The following IMPACT variants were observed in gnomAD, a reference collection of about 807,000 sequenced individuals.
IMPACT encodes the protein impact RWD domain protein.
IMPACT carries 35 observed loss-of-function variants against 47.5 expected under a neutral mutation model. The ratio of observed to expected loss-of-function variants is 0.74; its 90% CI spans 0.56 to 0.98. The LOEUF is 0.98. IMPACT is among the 50% of genes least tolerant of loss of function. The pLI is 0.00. For synonymous variants in IMPACT, 118 were observed against 125.6 expected (o/e 0.94, Z 0.40); for missense variants, 373 against 394.8 (o/e 0.94, Z 0.47).
At chr18:24,438,164 T>TC in intron 5 of IMPACT, 124 bp downstream of exon 5, 1 of 557,260 alleles carries the variant, frequency 1.8e-6, no homozygotes, top group Admixed American at 3.7e-5. Context: ...TATTATAAAA[T>TC]ACAAGTTTCT....
At chr18:24,444,203 T>G (rs1191913490) in intron 7 of IMPACT, among the ~76,000 whole-genome samples, 2 of 152,260 alleles carry the variant, frequency 1.3e-5, no homozygotes. Flanking sequence ...TGAGACATTC[T>G]AATTCTGAAT....
Position 24,445,463 on chromosome 18 carries a change from A to G in IMPACT, c.665A>G (p.Tyr222Cys), listed in dbSNP as rs1187583738. 1 of 1,582,630 alleles carries G rather than the reference A, an allele frequency of 6.3e-7. No homozygotes were observed. The highest frequency in any genetic ancestry group is 8.6e-7 in the Non-Finnish European group (1 of 1,160,358). Residue 222 changes from tyrosine (Y) to cysteine (C), a missense_variant, in exon 8 of 11, where the codon TAC (tyrosine) becomes TGC (cysteine). Coordinates refer to ENST00000284202, the MANE Select transcript of IMPACT (RefSeq NM_018439.4). ...IASATHNIYA[Y>C]RIYCEDKQTF... is the part of the protein sequence containing the mutation. Reference sequence around the variant, plus strand: ...AGTGCCACCCACAACATCTATGCCTACAGGTGAGTAATCATCACAAGCTTT... The same window carrying G: ...AGTGCCACCCACAACATCTATGCCTGCAGGTGAGTAATCATCACAAGCTTT...
intron 4 of IMPACT, among the ~76,000 whole-genome samples, chr18:24,436,436 G>A (rs867810210): frequency 1.3e-5 from 2 of 151,732 alleles, no homozygotes; most frequent in African/African-American, 2.4e-5. Flanking sequence ...TTACAGAAAC[G>A]GAGTCTCGCT....
intron 3 of IMPACT, 81 bp downstream of exon 3, chr18:24,429,002 A>G (rs1908682907): frequency 1.1e-6 from 1 of 904,452 alleles, no homozygotes; most frequent in Admixed American, 2.7e-5. Flanking sequence ...GCGTTTACAT[A>G]AAATACCTTT....
rs1908676438 is a variant in IMPACT, at chr18:24,428,792, A to G, written c.166-77A>G. 47 of 1,120,946 alleles carry G rather than the reference A, an allele frequency of 4.2e-5. 1 individual carries two copies. The South Asian group carries it at 6.5e-4, about 16-fold the overall frequency. 69.4% of individuals were successfully genotyped at this position (1,120,946 alleles called of 1,614,324 possible). ...TCTGTCCTCCTTGCCTTTTTTGTCC[A>G]GTTGCTAGCTTTATAAATATGGTTA... On this transcript the variant is annotated intron_variant, in intron 2 of 10. Transcript: ENST00000284202.
At chr18:24,441,977 T>G (rs538353686) in intron 6 of IMPACT, among the ~76,000 whole-genome samples, 6 of 152,290 alleles carry the variant, frequency 3.9e-5, no homozygotes, top group African/African-American at 1.4e-4. Flanking sequence ...TATTACTATG[T>G]TAGTACAGCA....
In IMPACT at chr18:24,453,477, T is replaced by C. The variant is rs1311967884; in HGVS notation, c.*2630T>C. The stretch of plus-strand genomic sequence containing the variant: ...TGTTTTGTAGCCTACATATTTCATA[T>C]AGAAGTATATTGTTAACATTTTCCA... On this transcript the variant is annotated 3_prime_UTR_variant, in exon 11 of 11. Transcript: ENST00000284202. 6.6e-6 allele frequency: 1 copy of C among 152,122 alleles called. No homozygotes were observed. Among genetic ancestry groups the C allele is most frequent in the Non-Finnish European group, 1.5e-5 (1 of 68,006 alleles). The allele number at this position is 152,122 out of a possible 1,614,324, so 9.4% of individuals were successfully genotyped here. A position where few individuals can be genotyped will look rare whatever the true frequency, so the allele number is the denominator to read the frequency against.
intron 8 of IMPACT, among the ~76,000 whole-genome samples, chr18:24,445,845 ACCATTT>A (rs1909236881): frequency 6.6e-6 from 1 of 152,124 alleles, no homozygotes; most frequent in Admixed American, 6.5e-5. Flanking sequence ...ACTACAATTA[ACCATTT>A]CCTTTTAGTT....
In IMPACT at chr18:24,444,844, A is replaced by G. The variant is rs191633861; in HGVS notation, c.595-549A>G. On this transcript the variant is annotated intron_variant, in intron 7 of 10. Transcript: ENST00000284202. ...GTACTTTTATTTGCTAAATTTGGTC[A>G]CCCAGTCCCTGTATTTTGCATATAG... Among the ~76,000 whole-genome samples, 27 of 152,336 alleles carry G rather than the reference A, an allele frequency of 1.8e-4. No homozygotes were observed. In the East Asian group the frequency reaches 4.4e-3, roughly 25 times the overall value.
rs1909374800 is a variant in IMPACT, at chr18:24,451,189, T to C, written c.*342T>C. On this transcript the variant is annotated 3_prime_UTR_variant, in exon 11 of 11. Coordinates refer to ENST00000284202, the MANE Select transcript of IMPACT (RefSeq NM_018439.4). ...TTGTTAGGTGGAGAAGAAATGTCTC[T>C]AGAGGAATATAAATACCTGATTTCT... 6.0e-6 allele frequency: 1 copy of C among 167,262 alleles called. No homozygotes were observed. Among genetic ancestry groups the C allele is most frequent in the African/African-American group, 2.4e-5 (1 of 42,046 alleles). 10.4% of individuals were successfully genotyped at this position (167,262 alleles called of 1,614,324 possible).
chr18:24,449,087 A>G lies in IMPACT; in HGVS notation c.760-732A>G, dbSNP rs1469698212. ...GTCAAACTGATGAAGACGGCCAGGT[A>G]TGGTGGCTCACACCTGTAACCCTAG... On this transcript the variant is annotated intron_variant, in intron 9 of 10. Coordinates refer to ENST00000284202, the MANE Select transcript of IMPACT (RefSeq NM_018439.4). Among the ~76,000 whole-genome samples the G allele has an allele frequency of 6.6e-5, 10 of 152,218 alleles. No individual in the cohort carries two copies. The South Asian group carries it at 1.0e-3, about 16-fold the overall frequency.
At chr18:24,443,347 CT>C (rs1347943603) in intron 7 of IMPACT, among the ~76,000 whole-genome samples, 195 bp downstream of exon 7, 1 of 151,192 alleles carries the variant, frequency 6.6e-6, no homozygotes, top group Non-Finnish European at 1.5e-5. Flanking sequence ...TGCTTTCTTT[CT>C]TTTTTTTTGT....
Position 24,440,627 on chromosome 18 carries a change from T to G in IMPACT, c.490+9T>G. 6.3e-7 allele frequency: 1 copy of G among 1,589,422 alleles called. No individual in the cohort carries two copies. Among genetic ancestry groups the G allele is most frequent in the Admixed American group, 1.8e-5 (1 of 54,752 alleles). ...CAGTGAAACTCGGACAGGTATAATGTTACTAACTAATTTCTTTTGAGGAGA... is the reference window on the plus strand; with the variant it reads ...CAGTGAAACTCGGACAGGTATAATGGTACTAACTAATTTCTTTTGAGGAGA... On this transcript the variant is annotated intron_variant, in intron 6 of 10. Transcript: ENST00000284202.
At chr18:24,429,720 AT>A (rs1908702948) in intron 3 of IMPACT, 1 of 151,734 alleles carries the variant, frequency 6.6e-6, no homozygotes, top group Non-Finnish European at 1.5e-5. Flanking sequence ...GTAAATTTTT[AT>A]TTTTATTTAT....
At chr18:24,427,211 GT>G (rs1387824161) in intron 1 of IMPACT, 1 of 175,122 alleles carries the variant, frequency 5.7e-6, no homozygotes, top group African/African-American at 2.4e-5. Flanking sequence ...ACTCCTTCTG[GT>G]CCTTGGCATC....
chr18:24,432,578 A>G (rs1053448645), intron 4 of IMPACT, among the ~76,000 whole-genome samples: 4 of 152,198 alleles, frequency 2.6e-5, no homozygotes, highest in African/African-American at 7.2e-5. Context: ...TGGCGGAAGT[A>G]TAAGTATTTC....
rs35543338 is a variant in IMPACT, at chr18:24,433,184, C to CTTTTT, written c.281+2822_281+2826dup. 6.4e-3 allele frequency among the ~76,000 whole-genome samples: 522 copies of CTTTTT among 81,120 alleles called. 56 individuals carry two copies. The highest frequency in any genetic ancestry group is 0.024 in the African/African-American group (457 of 19,334). The allele number at this position is 81,120 out of a possible 152,430, so 53.2% of individuals were successfully genotyped here. ...AGAAATACACATCTTACTTTTAAAACTTTTTTTTTTTTTTTTTTTTTTTTT... is the reference window on the plus strand; with the variant it reads ...AGAAATACACATCTTACTTTTAAAACTTTTTTTTTTTTTTTTTTTTTTTTTTTTTT... On this transcript the variant is annotated intron_variant, in intron 4 of 10. Transcript: ENST00000284202.
Position 24,437,897 on chromosome 18 carries a change from A to T in IMPACT, c.282-58A>T, listed in dbSNP as rs142096150. ...GATTGCAAATGTCTGTATCTTCTTG[A>T]ATTTGAGAAGATGATTTTTGAAATA... On this transcript the variant is annotated intron_variant, in intron 4 of 10. Coordinates refer to ENST00000284202, the MANE Select transcript of IMPACT (RefSeq NM_018439.4). 5.4e-5 allele frequency: 44 copies of T among 819,934 alleles called. No individual in the cohort carries two copies. In the African/African-American group the frequency reaches 6.5e-4, roughly 12 times the overall value. The allele number at this position is 819,934 out of a possible 1,614,324, so 50.8% of individuals were successfully genotyped here.
intron 5 of IMPACT, among the ~76,000 whole-genome samples, chr18:24,440,074 A>C (rs984954535): frequency 6.6e-6 from 1 of 152,052 alleles, no homozygotes. Flanking sequence ...TTGGAATTCT[A>C]TTATGAGGAA....
Sources: allele counts gnomAD v4.1 joint callset (sites outside exome capture counted in the v4.1 genomes callset), GRCh38; gene constraint gnomAD v4.1.1; transcripts MANE v1.5; gene names NCBI Gene and HGNC (gene_info 2026-07-23, HGNC 2026-07-21).